Variants in SLC9A9 observed in about 807,000 individuals in gnomAD.
SLC9A9 encodes the protein solute carrier family 9 member A9, also known as sodium/hydrogen exchanger 9.
Under a neutral mutation model 77.8 loss-of-function variants are expected in SLC9A9, and 62 were observed. That is an observed-to-expected ratio of 0.80 (90% CI 0.65 to 0.98). The LOEUF (loss-of-function observed/expected upper bound fraction) is 0.98, where lower values mean the gene tolerates loss of function less well. Ranked by LOEUF, SLC9A9 falls within the 50% of genes least tolerant of loss-of-function variation. SLC9A9 has a pLI of 0.00. For synonymous variants in SLC9A9, 320 were observed against 283.5 expected (o/e 1.13, Z -1.29); for missense variants, 775 against 774.9 (o/e 1.00, Z 0.00).
chr3:143,339,712 G>A (rs1026748181), intron 14 of SLC9A9, among the ~76,000 whole-genome samples: 3 of 152,118 alleles, frequency 2.0e-5, no homozygotes, highest in East Asian at 3.9e-4. Context: ...CTATACTCTG[G>A]AATACTCAAT....
At chr3:143,376,607 T>C (rs920228029) in intron 13 of SLC9A9, among the ~76,000 whole-genome samples, 3 of 152,216 alleles carry the variant, frequency 2.0e-5, no homozygotes, top group Non-Finnish European at 4.4e-5. Context: ...TTCCTTATTA[T>C]CATTCCTACT....
intron 14 of SLC9A9, among the ~76,000 whole-genome samples, chr3:143,358,642 C>A (rs1483151550): frequency 6.6e-6 from 1 of 152,130 alleles, no homozygotes; most frequent in Non-Finnish European, 1.5e-5. Flanking sequence ...ATGAATAAGG[C>A]AACATGAGAT....
At chr3:143,509,498 C>A (rs1263799617) in intron 9 of SLC9A9, among the ~76,000 whole-genome samples, 1 of 152,060 alleles carries the variant, frequency 6.6e-6, no homozygotes, top group Non-Finnish European at 1.5e-5. Flanking sequence ...ACTGCACGCC[C>A]TTGAGAATAT....
At chr3:143,631,609 C>T (rs2038423283) in intron 6 of SLC9A9, among the ~76,000 whole-genome samples, 1 of 151,956 alleles carries the variant, frequency 6.6e-6, no homozygotes, top group Non-Finnish European at 1.5e-5. Flanking sequence ...TCATAAAAAG[C>T]CACTGTTCAA....
intron 4 of SLC9A9, among the ~76,000 whole-genome samples, chr3:143,737,888 A>G (rs1233396937): frequency 6.6e-6 from 1 of 152,232 alleles, no homozygotes; most frequent in Non-Finnish European, 1.5e-5. Context: ...GTATACTCTT[A>G]CTAAATATGT....
intron 2 of SLC9A9, among the ~76,000 whole-genome samples, chr3:143,797,268 C>A (rs1465711876): frequency 6.6e-6 from 1 of 151,870 alleles, no homozygotes; most frequent in Non-Finnish European, 1.5e-5. Flanking sequence ...GAAATTGGTT[C>A]TTCGCTTTCC....
chr3:143,690,021 C>T (rs993730955), intron 5 of SLC9A9, among the ~76,000 whole-genome samples: 1 of 151,800 alleles, frequency 6.6e-6, no homozygotes, highest in African/African-American at 2.4e-5. Flanking sequence ...TATATATTGA[C>T]TTGTGGCTCA....
At chr3:143,738,668 A>G (rs1935001588) in intron 4 of SLC9A9, among the ~76,000 whole-genome samples, 1 of 152,150 alleles carries the variant, frequency 6.6e-6, no homozygotes, top group South Asian at 2.1e-4. Context: ...TGCCTCCATT[A>G]TAGATGCCAG....
At chr3:143,320,530 T>G (rs1576422779) in intron 14 of SLC9A9, among the ~76,000 whole-genome samples, 1 of 152,036 alleles carries the variant, frequency 6.6e-6, no homozygotes, top group Non-Finnish European at 1.5e-5. Flanking sequence ...TGGCAGAAGG[T>G]GAAGTGGGAA....
intron 4 of SLC9A9, among the ~76,000 whole-genome samples, chr3:143,752,679 G>GT (rs77031960): frequency 0.063 from 8,750 of 138,836 alleles, 405 homozygotes; most frequent in African/African-American, 0.13. Flanking sequence ...ATGTGAAAAG[G>GT]TTTTTTTTTT....
intron 4 of SLC9A9, among the ~76,000 whole-genome samples, chr3:143,791,601 C>G (rs747737952): frequency 6.6e-6 from 1 of 152,226 alleles, no homozygotes; most frequent in Non-Finnish European, 1.5e-5. Flanking sequence ...CATCCTGGAA[C>G]TTTGCACAAC....
At chr3:143,306,413 C>T (rs566840727) in intron 14 of SLC9A9, among the ~76,000 whole-genome samples, 2 of 152,332 alleles carry the variant, frequency 1.3e-5, no homozygotes, top group South Asian at 2.1e-4. Flanking sequence ...TTGAATCTAT[C>T]CTCTAGAACT....
chr3:143,339,423 G>T (rs967048433), intron 14 of SLC9A9, among the ~76,000 whole-genome samples: 42 of 152,250 alleles, frequency 2.8e-4, no homozygotes, highest in African/African-American at 9.9e-4. Context: ...TACCTACCCA[G>T]CTCAAGCCTT....
intron 4 of SLC9A9, among the ~76,000 whole-genome samples, chr3:143,765,367 T>G (rs1289956813): frequency 6.6e-6 from 1 of 152,034 alleles, no homozygotes; most frequent in African/African-American, 2.4e-5. Context: ...CTTCTTGGGT[T>G]CAGATCGTAT....
intron 14 of SLC9A9, among the ~76,000 whole-genome samples, chr3:143,278,352 C>T (rs1261693866): frequency 2.6e-5 from 4 of 152,150 alleles, no homozygotes; most frequent in Non-Finnish European, 5.9e-5. Context: ...AGCTTTATGC[C>T]TAGATTTTTC....
At chr3:143,455,471 T>C (rs2035074557) in intron 12 of SLC9A9, among the ~76,000 whole-genome samples, 1 of 152,212 alleles carries the variant, frequency 6.6e-6, no homozygotes, top group Non-Finnish European at 1.5e-5. Flanking sequence ...CGATTTTGAT[T>C]AGAATTGTAT....
rs191217929 is a variant in SLC9A9, at chr3:143,429,798, C to T, written c.1469+37239G>A. ...GGATGAGGCTTCTGCATCAATGCCA[C>T]GCATGACAGCAGCTAAGCGCTAGTA... On this transcript the variant is annotated intron_variant, in intron 12 of 15. Coordinates refer to ENST00000316549, the MANE Select transcript of SLC9A9 (RefSeq NM_173653.4). Among the ~76,000 whole-genome samples the T allele has an allele frequency of 3.1e-3, 472 of 152,270 alleles. 1 individual carries two copies. Among genetic ancestry groups the T allele is most frequent in the Non-Finnish European group, 4.0e-3 (274 of 68,024 alleles).
chr3:143,516,202 C>T (rs1559948750), intron 9 of SLC9A9, among the ~76,000 whole-genome samples: 1 of 152,094 alleles, frequency 6.6e-6, no homozygotes, highest in Non-Finnish European at 1.5e-5. Flanking sequence ...CACAGCACCT[C>T]CAGTCATGCT....
chr3:143,289,520 CCT>C (rs888174509), intron 14 of SLC9A9, among the ~76,000 whole-genome samples: 5 of 152,134 alleles, frequency 3.3e-5, no homozygotes, highest in African/African-American at 1.2e-4. Flanking sequence ...TCTCATGCCC[CCT>C]GTCTCATTGA....
Sources: gnomAD v4.1 joint callset for allele counts (sites outside exome capture counted in the v4.1 genomes callset) on GRCh38, gnomAD v4.1.1 for gene constraint, MANE v1.5 for transcripts, NCBI Gene and HGNC (gene_info 2026-07-23, HGNC 2026-07-21) for gene names.